The following COPG1 variants were observed in gnomAD, a reference collection of about 807,000 sequenced individuals.
COPG1 encodes the protein coatomer subunit gamma-1.
Under a neutral mutation model 102.8 loss-of-function variants are expected in COPG1, and 29 were observed. The ratio of observed to expected loss-of-function variants is 0.28; its 90% CI spans 0.21 to 0.38. The LOEUF is 0.38. COPG1 is among the 10% of genes least tolerant of loss of function. The probability of loss-of-function intolerance (pLI) is 1.00; values close to 1 mark genes in which losing one functional copy is unlikely to be tolerated. For missense variants in COPG1, 875 were observed against 1,132.7 expected (o/e 0.77, Z 3.27); for synonymous variants, 406 against 421.6 (o/e 0.96, Z 0.45).
chr3:129,256,757 G>T (rs1939818722), intron 8 of COPG1, among the ~76,000 whole-genome samples: 1 of 152,162 alleles, frequency 6.6e-6, no homozygotes, highest in East Asian at 1.9e-4. Flanking sequence ...CTCATCCTTT[G>T]CACGATTCTT....
Position 129,263,891 on chromosome 3 carries a change from C to G in COPG1, c.1129-13C>G. 1 of 1,612,526 alleles carries G rather than the reference C, an allele frequency of 6.2e-7. No homozygotes were observed. Among genetic ancestry groups the G allele is most frequent in the Non-Finnish European group, 8.5e-7 (1 of 1,178,502 alleles). ...GGCAGGGCCTGCTGCTCATGCACGT[C>G]TATTTCATTTAGGTGGTGGTTGTCC... On this transcript the variant is annotated splice_polypyrimidine_tract_variant and intron_variant, in intron 12 of 23. Transcript: ENST00000314797.
At chr3:129,277,147 A>G in intron 23 of COPG1, 147 bp from the exon 24 acceptor site, 2 of 768,008 alleles carry the variant, frequency 2.6e-6, no homozygotes, top group Non-Finnish European at 4.3e-6. Context: ...TCACAGTGAA[A>G]TCCCTCACTC....
intron 6 of COPG1, 26 bp from the exon 7 acceptor site, chr3:129,254,959 T>C: frequency 6.3e-7 from 1 of 1,598,614 alleles, no homozygotes; most frequent in Non-Finnish European, 8.6e-7. Flanking sequence ...CTGGATCTCC[T>C]TCCACCCTGC....
intron 19 of COPG1, 70 bp from the exon 20 acceptor site, chr3:129,272,174 C>T: frequency 1.4e-6 from 2 of 1,422,180 alleles, no homozygotes; most frequent in Non-Finnish European, 2.0e-6. Flanking sequence ...GGTGGGACCT[C>T]CTGGCTTTTC....
In COPG1 at chr3:129,272,309, T is replaced by C; in HGVS notation, c.2052T>C (p.Thr684=). 3 of 1,613,956 alleles carry C rather than the reference T, an allele frequency of 1.9e-6. No homozygotes were observed. Among genetic ancestry groups the C allele is most frequent in the Non-Finnish European group, 2.5e-6 (3 of 1,179,824 alleles). ...LENVTVQMEP[T]EAYEVLCYVP... ...ATGTCACAGTGCAGATGGAGCCCACTGAGGCCTATGAGGTGCTCTGTTACG... is the reference window on the plus strand; with the variant it reads ...ATGTCACAGTGCAGATGGAGCCCACCGAGGCCTATGAGGTGCTCTGTTACG... Residue 684 remains threonine (T), a synonymous_variant, in exon 20 of 24, where the codon ACT becomes ACC. Transcript: ENST00000314797.
intron 10 of COPG1, among the ~76,000 whole-genome samples, chr3:129,258,884 C>T (rs1050959825): frequency 6.6e-6 from 1 of 152,034 alleles, no homozygotes; most frequent in Non-Finnish European, 1.5e-5. Flanking sequence ...TGAAGAGGTG[C>T]AAAGTGGTTG....
chr3:129,276,158 T>G (rs1940267423), intron 23 of COPG1, among the ~76,000 whole-genome samples: 1 of 152,266 alleles, frequency 6.6e-6, no homozygotes, highest in Non-Finnish European at 1.5e-5. Flanking sequence ...ACATAATATG[T>G]TACCACACTT....
In COPG1 at chr3:129,272,252, C is replaced by T; in HGVS notation, c.1995C>T (p.Cys665=). 2 of 1,613,754 alleles carry T rather than the reference C, an allele frequency of 1.2e-6. No individual in the cohort carries two copies. The highest frequency in any genetic ancestry group is 1.1e-5 in the South Asian group (1 of 91,078). Residue 665 remains cysteine, a synonymous_variant, in exon 20 of 24, where the codon TGC becomes TGT. Coordinates refer to ENST00000314797, the MANE Select transcript of COPG1 (RefSeq NM_016128.4). ...CTCTCTTTCCTGTTCAGTTTGACTGCACAAACACACTCAATGACCAGACCT... is the reference window on the plus strand; with the variant it reads ...CTCTCTTTCCTGTTCAGTTTGACTGTACAAACACACTCAATGACCAGACCT... ...FTNHMVFQFD[C]TNTLNDQTLE...
At chr3:129,257,891 A>G in intron 10 of COPG1, 31 bp downstream of exon 10, 3 of 1,606,742 alleles carry the variant, frequency 1.9e-6, no homozygotes, top group Non-Finnish European at 2.6e-6. Flanking sequence ...CCAGCCTCAC[A>G]TGTTTATGCT....
rs776342417 is a variant in COPG1 at position 129,252,628 on chromosome 3, G to A, written c.177G>A (p.Glu59=). ...TKILYLINQG[E]HLGTTEATEA... Reference sequence around the variant, plus strand: ...TTCTTTCTTGATTAACACAGGGGGAGCACCTGGGGACCACGGAAGCGACCG... The same window carrying A: ...TTCTTTCTTGATTAACACAGGGGGAACACCTGGGGACCACGGAAGCGACCG... Residue 59 remains glutamate (E), a synonymous_variant, in exon 4 of 24, where the codon GAG becomes GAA. Coordinates refer to ENST00000314797, the MANE Select transcript of COPG1 (RefSeq NM_016128.4). 1.5e-5 allele frequency: 25 copies of A among 1,613,650 alleles called. No homozygotes were observed. The highest frequency in any genetic ancestry group is 1.9e-5 in the Non-Finnish European group (23 of 1,179,690).
At position 129,275,363 on chromosome 3, in the gene COPG1, G is replaced by A; in HGVS notation, c.2494+71G>A. Reference sequence around the variant, plus strand: ...TGGATGCCACTGGATCCTGGGCTAAGGACTCCACTGTAAATATGGGGAGTC... The same window carrying A: ...TGGATGCCACTGGATCCTGGGCTAAAGACTCCACTGTAAATATGGGGAGTC... On this transcript the variant is annotated intron_variant, in intron 23 of 23. Transcript: ENST00000314797. This position sits in a 1 kb window ranked among gnomAD's most constrained non-coding sequence, Gnocchi z 5.0. The A allele has an allele frequency of 8.8e-7, 1 of 1,138,398 alleles. No homozygotes were observed. The highest frequency in any genetic ancestry group is 1.3e-6 in the Non-Finnish European group (1 of 760,868). The allele number at this position is 1,138,398 out of a possible 1,614,324, so 70.5% of individuals were successfully genotyped here.
intron 2 of COPG1, among the ~76,000 whole-genome samples, chr3:129,251,221 C>T (rs1939689708): frequency 6.6e-6 from 1 of 151,258 alleles, no homozygotes; most frequent in Non-Finnish European, 1.5e-5. Flanking sequence ...CCGCGCCTGG[C>T]CTCTCTATTT....
At chr3:129,251,236 A>G (rs1327288607) in intron 2 of COPG1, among the ~76,000 whole-genome samples, 3 of 150,212 alleles carry the variant, frequency 2.0e-5, no homozygotes, top group Admixed American at 6.6e-5. Context: ...CTATTTAAAC[A>G]TTTAAAAAAT....
chr3:129,267,061 T>C lies in COPG1; in HGVS notation c.1506T>C (p.Asn502=), dbSNP rs1940075585. The C allele has an allele frequency of 4.3e-6, 7 of 1,613,832 alleles. No homozygotes were observed. The East Asian group carries it at 1.6e-4, about 36-fold the overall frequency. The part of the protein sequence containing the change: ...VSALAKFGAQ[N]EEMLPSILVL... The stretch of plus-strand genomic sequence containing the variant: ...CTCTGGCGAAGTTTGGAGCCCAGAA[T>C]GAAGAGATGTTACCCAGTATCTTGG... The change falls in exon 15 of 24, where the codon AAT becomes AAC. Residue 502 remains asparagine, a synonymous_variant. Coordinates refer to ENST00000314797, the MANE Select transcript of COPG1 (RefSeq NM_016128.4).
chr3:129,252,321 G>A lies in COPG1; in HGVS notation c.131G>A (p.Cys44Tyr), dbSNP rs145702032. 9 of 1,613,308 alleles carry A rather than the reference G, an allele frequency of 5.6e-6. No homozygotes were observed. In the East Asian group the frequency reaches 1.3e-4, roughly 24 times the overall value. ...FNETPINPRK[C>Y]AHILTKILYL... ...GAAACTCCCATCAACCCTCGGAAAT[G>A]TGCCCACATCCTCACCAAGATTCTT... Residue 44 changes from cysteine (C) to tyrosine (Y), a missense_variant, in exon 3 of 24, where the codon TGT becomes TAT. Physicochemically the swap from Cys to Tyr is radical, Grantham distance 194. Coordinates refer to ENST00000314797, the MANE Select transcript of COPG1 (RefSeq NM_016128.4).
chr3:129,262,836 T>C (rs1939951960), intron 12 of COPG1, among the ~76,000 whole-genome samples: 3 of 151,548 alleles, frequency 2.0e-5, no homozygotes, highest in African/African-American at 7.3e-5. Context: ...CTGGCCAACA[T>C]GGTGAAACCC....
chr3:129,272,725 C>G lies in COPG1; in HGVS notation c.2159-82C>G, dbSNP rs1940206313. The G allele has an allele frequency of 3.6e-6, 3 of 829,084 alleles. No homozygotes were observed. The African/African-American group carries it at 5.0e-5, about 14-fold the overall frequency. 51.4% of individuals were successfully genotyped at this position (829,084 alleles called of 1,614,324 possible). A position where few individuals can be genotyped will look rare whatever the true frequency, so the allele number is the denominator to read the frequency against. On this transcript the variant is annotated intron_variant, in intron 20 of 23. Coordinates refer to ENST00000314797, the MANE Select transcript of COPG1 (RefSeq NM_016128.4). ...GGGGCCTAGAAAGCAGGCTGTGACC[C>G]CTGCCTGCTTGTCCCCTGCAGGAGG...
chr3:129,252,104 ATAAT>A (rs1939711758), intron 2 of COPG1, among the ~76,000 whole-genome samples, 173 bp from the exon 3 acceptor site: 1 of 152,226 alleles, frequency 6.6e-6, no homozygotes, highest in African/African-American at 2.4e-5. Flanking sequence ...GAGTCTAAGA[ATAAT>A]TAGTAGTTGA....
At chr3:129,262,560 A>C (rs1315007218) in intron 12 of COPG1, among the ~76,000 whole-genome samples, 1 of 151,898 alleles carries the variant, frequency 6.6e-6, no homozygotes, top group East Asian at 1.9e-4. Context: ...GCCTACAGAA[A>C]ATTTTTTTAA....
Sources: gnomAD v4.1 joint callset for allele counts (sites outside exome capture counted in the v4.1 genomes callset) on GRCh38, gnomAD v4.1.1 for gene constraint, Gnocchi (gnomAD v3.1) non-coding constraint, MANE v1.5 for transcripts, NCBI Gene and HGNC (gene_info 2026-07-23, HGNC 2026-07-21) for gene names.